Variants in ATP1B4 observed in about 807,000 individuals in gnomAD.
ATP1B4 encodes protein ATP1B4.
In ATP1B4, 32 loss-of-function variants were observed where a neutral mutation model predicts 29.6. That is an observed-to-expected ratio of 1.08 (90% CI 0.82 to 1.45). The LOEUF (loss-of-function observed/expected upper bound fraction) is 1.45. Ranked by LOEUF, ATP1B4 falls within the 40% of genes most tolerant of loss-of-function variation. The probability of loss-of-function intolerance (pLI) is 0.00; values close to 1 mark genes in which losing one functional copy is unlikely to be tolerated. For missense variants in ATP1B4, 323 were observed against 276.2 expected, an observed-to-expected ratio of 1.17 and a Z score of -1.20; for synonymous variants, 127 against 102.1, an observed-to-expected ratio of 1.24 and a Z score of -1.47.
intron 5 of ATP1B4, 148 bp downstream of exon 5, chrX:120,375,716 A>G: frequency 2.3e-6 from 1 of 444,282 alleles, no homozygotes; most frequent in Non-Finnish European, 3.6e-6. Context: ...AACCAGATAA[A>G]CCTATCAATT....
Position 120,362,148 on chromosome X carries a change from G to A in ATP1B4, c.-21G>A, listed in dbSNP as rs202160288. ...TCACCCGATTGCCTGCCTCTGCTGC[G>A]TCTTTGCCCACTGAACAGCCATGAG... On this transcript the variant is annotated 5_prime_UTR_variant, in exon 1 of 8. Coordinates refer to ENST00000218008, the MANE Select transcript of ATP1B4 (RefSeq NM_001142447.3). 1.3e-4 allele frequency: 157 copies of A among 1,203,197 alleles called. No homozygotes were observed. In the African/African-American group the frequency reaches 1.9e-3, roughly 15 times the overall value.
In ATP1B4 at chrX:120,375,403, T is replaced by A. The variant is rs1474873112; in HGVS notation, c.594T>A (p.Asn198Lys). 2 of 1,208,162 alleles carry A rather than the reference T, an allele frequency of 1.7e-6. No homozygotes were observed. The highest frequency in any genetic ancestry group is 3.5e-5 in the African/African-American group (2 of 56,849). Reference protein sequence around the residue: ...GYNDSLQEEMNVDCPPGQYFI... With the variant: ...GYNDSLQEEMKVDCPPGQYFI... ...ATGACAGTCTTCAAGAGGAAATGAA[T>A]GTAGATTGTCCCCCGGGGCAGTACT... is the stretch of plus-strand genomic sequence containing the variant. Residue 198 changes from asparagine (N) to lysine (K), a missense_variant, in exon 5 of 8, where the codon AAT becomes AAA. Physicochemically the swap from Asn to Lys is moderately conservative, Grantham distance 94. Coordinates refer to ENST00000218008, the MANE Select transcript of ATP1B4 (RefSeq NM_001142447.3).
intron 2 of ATP1B4, among the ~76,000 whole-genome samples, chrX:120,369,442 A>G (rs1442878054): frequency 8.9e-6 from 1 of 111,940 alleles, no homozygotes; most frequent in Non-Finnish European, 1.9e-5. Context: ...TATTTGGTTC[A>G]TGGTTCAATT....
Position 120,370,804 on chromosome X carries a change from C to A in ATP1B4, c.418C>A (p.Pro140Thr). 1 of 1,211,173 alleles carries A rather than the reference C, an allele frequency of 8.3e-7. No individual in the cohort carries two copies. The highest frequency in any genetic ancestry group is 1.1e-6 in the Non-Finnish European group (1 of 895,297). The change falls in exon 3 of 8, where the codon CCC becomes ACC. Residue 140 changes from proline to threonine, a missense_variant. Physicochemically the swap from Pro to Thr is conservative, Grantham distance 38 (BLOSUM62 -1). Coordinates refer to ENST00000218008, the MANE Select transcript of ATP1B4 (RefSeq NM_001142447.3). ...GTACACACTATTTCTGACCATCAGT[C>A]CCTATATACCAACCTTCACGGAGCG... Reference protein sequence around the residue: ...CMYTLFLTISPYIPTFTERVK... With the variant: ...CMYTLFLTISTYIPTFTERVK...
At chrX:120,371,960 G>A (rs1297371490) in intron 4 of ATP1B4, among the ~76,000 whole-genome samples, 1 of 112,530 alleles carries the variant, frequency 8.9e-6, no homozygotes, top group Non-Finnish European at 1.9e-5. Context: ...GAGCCACCGC[G>A]CCCAGCCAAG....
Position 120,371,227 on chromosome X carries a change from G to A in ATP1B4, c.562+17G>A. On this transcript the variant is annotated intron_variant, in intron 4 of 7. Coordinates refer to ENST00000218008, the MANE Select transcript of ATP1B4 (RefSeq NM_001142447.3). The stretch of plus-strand genomic sequence containing the variant: ...TTCTCCAGGGTAAGTAAGTTCGTCT[G>A]AATAGTGGAAAGCTCTTTTGAAAGG... 2.6e-6 allele frequency: 3 copies of A among 1,148,887 alleles called. No homozygotes were observed. The highest frequency in any genetic ancestry group is 3.6e-6 in the Non-Finnish European group (3 of 839,351). 94.7% of individuals were successfully genotyped at this position (1,148,887 alleles called of 1,213,427 possible). A position where few individuals can be genotyped will look rare whatever the true frequency, so the allele number is the denominator to read the frequency against.
chrX:120,362,266 C>T, intron 1 of ATP1B4, 35 bp downstream of exon 1: 1 of 1,164,200 alleles, frequency 8.6e-7, no homozygotes, highest in Non-Finnish European at 1.2e-6. Flanking sequence ...TTGCTGCCCC[C>T]TCCCCTTTTA....
chrX:120,370,024 T>G (rs1030347700), intron 2 of ATP1B4, among the ~76,000 whole-genome samples: 1 of 111,827 alleles, frequency 8.9e-6, no homozygotes, highest in Non-Finnish European at 1.9e-5. Flanking sequence ...CCATCTTACC[T>G]GTGAGGAATT....
chrX:120,375,211 T>C (rs1038542376), intron 4 of ATP1B4, among the ~76,000 whole-genome samples, 161 bp from the exon 5 acceptor site: 2 of 70,717 alleles, frequency 2.8e-5, no homozygotes, highest in Non-Finnish European at 7.0e-5. Context: ...CGATGAAGGC[T>C]GTTGGGCACC....
intron 4 of ATP1B4, 48 bp from the exon 5 acceptor site, chrX:120,375,324 C>G (rs2058347130): frequency 8.9e-7 from 1 of 1,117,398 alleles, no homozygotes; most frequent in Middle Eastern, 2.5e-4. Context: ...CGGCCTTCCC[C>G]TGTAGCACCT....
intron 2 of ATP1B4, among the ~76,000 whole-genome samples, chrX:120,368,239 A>T (rs985695795): frequency 2.7e-5 from 3 of 111,741 alleles, no homozygotes; most frequent in Non-Finnish European, 3.8e-5. Context: ...TGAGTAGCAG[A>T]TCTAAGTAGA....
rs749048889 is a variant in ATP1B4, at chrX:120,370,962, T to C, written c.457+119T>C. On this transcript the variant is annotated intron_variant, in intron 3 of 7. Coordinates refer to ENST00000218008, the MANE Select transcript of ATP1B4 (RefSeq NM_001142447.3). The stretch of plus-strand genomic sequence containing the variant: ...TGGTAATGACTTAGAGATTCAATTA[T>C]TAGGAGGAAAAGTAAAATGGTACTT... 5.7e-6 allele frequency: 6 copies of C among 1,051,929 alleles called. No homozygotes were observed. The East Asian group carries it at 1.8e-4, about 32-fold the overall frequency. The allele number at this position is 1,051,929 out of a possible 1,213,427, so 86.7% of individuals were successfully genotyped here.
At chrX:120,375,310 C>A in intron 4 of ATP1B4, 62 bp from the exon 5 acceptor site, 1 of 1,034,645 alleles carries the variant, frequency 9.7e-7, no homozygotes, top group Non-Finnish European at 1.3e-6. Context: ...GACTACTGAA[C>A]GCACGGCCTT....
In ATP1B4 at chrX:120,375,450, A is replaced by T; in HGVS notation, c.641A>T (p.Asp214Val). ...TACTTCATCCAAGATGGCAATGAGG[A>T]TGAGGACAAGAAGGCCTGCCAATTT... Reference protein sequence around the residue: ...GQYFIQDGNEDEDKKACQFKR... With the variant: ...GQYFIQDGNEVEDKKACQFKR... Residue 214 changes from aspartate to valine, a missense_variant, in exon 5 of 8, where the codon GAT (aspartate) becomes GTT (valine). Physicochemically the swap from Asp to Val is radical, Grantham distance 152 (BLOSUM62 -3). Coordinates refer to ENST00000218008, the MANE Select transcript of ATP1B4 (RefSeq NM_001142447.3). 8.3e-7 allele frequency: 1 copy of T among 1,211,189 alleles called. No individual in the cohort carries two copies. The highest frequency in any genetic ancestry group is 1.1e-6 in the Non-Finnish European group (1 of 895,038).
At position 120,381,454 on chromosome X, in the gene ATP1B4, A is replaced by G. The variant is rs2058380667; in HGVS notation, c.*1820A>G. ...TTTATTTTATTTTACTTTATTATTT[A>G]TTTGTTTATTTTTGAGATGGAGTTT... is the stretch of plus-strand genomic sequence containing the variant. On this transcript the variant is annotated 3_prime_UTR_variant, in exon 8 of 8. Transcript: ENST00000218008. 1 of 111,532 alleles carries G rather than the reference A, an allele frequency of 9.0e-6. No homozygotes were observed. Among genetic ancestry groups the G allele is most frequent in the South Asian group, 3.8e-4 (1 of 2,664 alleles). The allele number at this position is 111,532 out of a possible 1,213,427, so 9.2% of individuals were successfully genotyped here.
In ATP1B4 at chrX:120,379,701, TGA is replaced by T; in HGVS notation, c.*68_*69del. 9.3e-7 allele frequency: 1 copy of T among 1,074,207 alleles called. No homozygotes were observed. Among genetic ancestry groups the T allele is most frequent in the South Asian group, 2.3e-5 (1 of 43,960 alleles). 88.5% of individuals were successfully genotyped at this position (1,074,207 alleles called of 1,213,427 possible). A position where few individuals can be genotyped will look rare whatever the true frequency, so the allele number is the denominator to read the frequency against. On this transcript the variant is annotated 3_prime_UTR_variant, in exon 8 of 8. Transcript: ENST00000218008. ...ATCTCATGGTATCTCTGGTAGCACC[TGA>T]ATTCTTTTTCTTCAATTAGGACACA...
At chrX:120,374,501 G>GATATACCCTTATATATACC (rs1223698590) in intron 4 of ATP1B4, among the ~76,000 whole-genome samples, 1 of 84,031 alleles carries the variant, frequency 1.2e-5, no homozygotes, top group Non-Finnish European at 2.2e-5. Flanking sequence ...GATATATAAG[G>GATATACCCTTATATATACC]ATATACCCTT....
At chrX:120,364,285 G>C (rs2058275535) in intron 1 of ATP1B4, among the ~76,000 whole-genome samples, 1 of 112,094 alleles carries the variant, frequency 8.9e-6, no homozygotes, top group African/African-American at 3.2e-5. Context: ...TCAATGAAAT[G>C]TTATACTTCA....
chrX:120,381,934 T>G lies in ATP1B4; in HGVS notation c.*2300T>G, dbSNP rs2058382952. On this transcript the variant is annotated 3_prime_UTR_variant, in exon 8 of 8. Transcript: ENST00000218008. ...TGGGAATATAAGAGAGAAGCAGGTT[T>G]GGAGAGATCAATTTTGAACATTTTA... The G allele has an allele frequency of 9.0e-6, 1 of 111,700 alleles. No homozygotes were observed. Among genetic ancestry groups the G allele is most frequent in the East Asian group, 2.8e-4 (1 of 3,568 alleles). 9.2% of individuals were successfully genotyped at this position (111,700 alleles called of 1,213,427 possible).
Sources: gnomAD v4.1 joint callset for allele counts (sites outside exome capture counted in the v4.1 genomes callset) on GRCh38, gnomAD v4.1.1 for gene constraint, MANE v1.5 for transcripts, NCBI Gene and HGNC (gene_info 2026-07-23, HGNC 2026-07-21) for gene names.